The following XPR1 variants were observed in gnomAD, a reference collection of about 807,000 sequenced individuals.
XPR1 encodes the protein xenotropic and polytropic retrovirus receptor 1, also known as solute carrier family 53 member 1.
A neutral mutation model predicts 87.5 loss-of-function variants in XPR1; 28 were observed. The observed-to-expected ratio is 0.32, with a 90% CI of 0.24 to 0.44. The LOEUF (loss-of-function observed/expected upper bound fraction) is 0.44, where lower values mean the gene tolerates loss of function less well. XPR1 is among the 20% of genes least tolerant of loss of function. The probability of loss-of-function intolerance (pLI) is 1.00; values close to 1 mark genes in which losing one functional copy is unlikely to be tolerated. For synonymous variants in XPR1, 300 were observed against 306.1 expected, an observed-to-expected ratio of 0.98 and a Z score of 0.21; for missense variants, 559 against 862.3, an observed-to-expected ratio of 0.65 and a Z score of 4.41.
intron 7 of XPR1, among the ~76,000 whole-genome samples, chr1:180,819,744 G>A (rs527537186): frequency 1.1e-4 from 16 of 152,268 alleles, no homozygotes; most frequent in Admixed American, 7.2e-4. Flanking sequence ...TAGGCCGGGC[G>A]CGGTGGCTCA....
intron 11 of XPR1, among the ~76,000 whole-genome samples, chr1:180,853,100 G>C (rs1354039263): frequency 2.0e-5 from 3 of 152,058 alleles, no homozygotes; most frequent in Non-Finnish European, 2.9e-5. Flanking sequence ...GTTAATTTTT[G>C]TATTTTTAGG....
rs528113022 is a variant in XPR1, at chr1:180,651,413, A to G, written c.69+19143A>G. Among the ~76,000 whole-genome samples the G allele has an allele frequency of 2.4e-4, 36 of 152,194 alleles. 2 individuals carry two copies. In the South Asian group the frequency reaches 7.3e-3, roughly 31 times the overall value. ...GCCCGGAATCCATTTCTTAAACAACATTGTGATAAGATGAATGACTGTATT... is the reference window on the plus strand; with the variant it reads ...GCCCGGAATCCATTTCTTAAACAACGTTGTGATAAGATGAATGACTGTATT... On this transcript the variant is annotated intron_variant, in intron 1 of 14. Transcript: ENST00000367590.
chr1:180,853,241 A>AT (rs1558039208), intron 11 of XPR1, among the ~76,000 whole-genome samples: 1 of 152,080 alleles, frequency 6.6e-6, no homozygotes, highest in Admixed American at 6.5e-5. Flanking sequence ...GCTTCTTTTC[A>AT]TTTTTTAAAT....
At chr1:180,799,585 G>T (rs954439420) in intron 3 of XPR1, among the ~76,000 whole-genome samples, 4 of 152,182 alleles carry the variant, frequency 2.6e-5, no homozygotes. Context: ...TCAGGAGATG[G>T]TGGTGCTGGA....
At chr1:180,670,766 C>G (rs1162405459) in intron 1 of XPR1, among the ~76,000 whole-genome samples, 2 of 152,134 alleles carry the variant, frequency 1.3e-5, no homozygotes, top group East Asian at 3.9e-4. Context: ...GCAGGATTCT[C>G]TTAAATATTT....
At chr1:180,675,384 G>GATA (rs1271502592) in intron 1 of XPR1, among the ~76,000 whole-genome samples, 1 of 152,164 alleles carries the variant, frequency 6.6e-6, no homozygotes, top group East Asian at 1.9e-4. Context: ...GGATAACATA[G>GATA]AGTAGCTACC....
chr1:180,813,344 A>T (rs1650293284), intron 7 of XPR1, among the ~76,000 whole-genome samples: 1 of 152,194 alleles, frequency 6.6e-6, no homozygotes, highest in African/African-American at 2.4e-5. Flanking sequence ...ACTTGTCTGT[A>T]TTCAAATGCT....
At chr1:180,771,475 G>A (rs1218008755) in intron 2 of XPR1, among the ~76,000 whole-genome samples, 1 of 151,980 alleles carries the variant, frequency 6.6e-6, no homozygotes, top group Non-Finnish European at 1.5e-5. Context: ...TTAACATGTT[G>A]GTATAGTATT....
intron 2 of XPR1, among the ~76,000 whole-genome samples, chr1:180,755,757 G>T (rs1410639377): frequency 1.3e-5 from 2 of 152,210 alleles, no homozygotes; most frequent in East Asian, 3.9e-4. Flanking sequence ...CCTGATGAAG[G>T]TTTGTAGTTT....
intron 3 of XPR1, among the ~76,000 whole-genome samples, chr1:180,799,994 G>A (rs1447526517): frequency 6.6e-6 from 1 of 152,182 alleles, no homozygotes; most frequent in Non-Finnish European, 1.5e-5. Context: ...TGTGATTGTT[G>A]TACTAATTTC....
chr1:180,710,838 A>C (rs974336804), intron 2 of XPR1, among the ~76,000 whole-genome samples: 8 of 146,050 alleles, frequency 5.5e-5, no homozygotes, highest in Admixed American at 1.4e-4. Context: ...GCTGCCCCCC[A>C]CCTCCCTCCC....
chr1:180,658,598 A>G (rs933741916), intron 1 of XPR1, among the ~76,000 whole-genome samples: 1 of 151,714 alleles, frequency 6.6e-6, no homozygotes, highest in African/African-American at 2.4e-5. Flanking sequence ...GAGTCTCGCC[A>G]CTGTCTCCCA....
intron 2 of XPR1, among the ~76,000 whole-genome samples, chr1:180,708,967 A>G (rs1225599374): frequency 7.2e-6 from 1 of 138,688 alleles, no homozygotes; most frequent in East Asian, 2.2e-4. Flanking sequence ...GCTGGAGTGC[A>G]GTGGCACGAT....
intron 1 of XPR1, among the ~76,000 whole-genome samples, chr1:180,652,488 G>C (rs1054306504): frequency 2.0e-5 from 3 of 152,298 alleles, no homozygotes; most frequent in South Asian, 4.1e-4. Flanking sequence ...TGTCTGATCT[G>C]CTCCAGCCTC....
intron 2 of XPR1, among the ~76,000 whole-genome samples, chr1:180,778,950 G>A (rs921105382): frequency 5.3e-5 from 8 of 152,256 alleles, no homozygotes; most frequent in East Asian, 1.9e-4. Flanking sequence ...GGCTTTGTGC[G>A]TGAAAGGGCC....
In XPR1 at chr1:180,680,356, C is replaced by CT. The variant is rs1557953500; in HGVS notation, c.70-2004_70-2003insT. ...ATTCCTCAAATAACTACAAATAGAA[C>CT]CTTTTTTTTTTTTTTTTTTTTTTTT... On this transcript the variant is annotated intron_variant, in intron 1 of 14. Transcript: ENST00000367590. 6.2e-3 allele frequency among the ~76,000 whole-genome samples: 744 copies of CT among 119,574 alleles called. 18 individuals carry two copies. The highest frequency in any genetic ancestry group is 0.023 in the African/African-American group (707 of 31,348). 78.4% of individuals were successfully genotyped at this position (119,574 alleles called of 152,430 possible).
At chr1:180,709,805 G>A (rs1427326436) in intron 2 of XPR1, among the ~76,000 whole-genome samples, 1 of 151,274 alleles carries the variant, frequency 6.6e-6, no homozygotes. Flanking sequence ...TTTGCCGTTG[G>A]TATATCTTCT....
At chr1:180,761,223 G>A (rs980491638) in intron 2 of XPR1, among the ~76,000 whole-genome samples, 1 of 152,190 alleles carries the variant, frequency 6.6e-6, no homozygotes, top group African/African-American at 2.4e-5. Context: ...AGGACTTCAT[G>A]TCTAAAACAC....
In XPR1 at chr1:180,880,060, AC is replaced by A; in HGVS notation, c.1809-12del. The A allele has an allele frequency of 3.7e-6, 6 of 1,613,880 alleles. No individual in the cohort carries two copies. The highest frequency in any genetic ancestry group is 5.1e-6 in the Non-Finnish European group (6 of 1,179,812). ...TACAATTTCATAAGTACTTTGATCT[AC>A]CCCATTTTGCTAAGGCGATTTGTGT... On this transcript the variant is annotated splice_polypyrimidine_tract_variant and intron_variant, in intron 13 of 14. Coordinates refer to ENST00000367590, the MANE Select transcript of XPR1 (RefSeq NM_004736.4).
Sources: allele counts gnomAD v4.1 joint callset (sites outside exome capture counted in the v4.1 genomes callset), GRCh38; gene constraint gnomAD v4.1.1; transcripts MANE v1.5; gene names NCBI Gene and HGNC (gene_info 2026-07-23, HGNC 2026-07-21).